CPLANE1: variants seen among roughly 807,000 people sequenced by gnomAD.
CPLANE1 encodes the protein ciliogenesis and planar polarity effector 1.
In CPLANE1, 263 loss-of-function variants were observed where a neutral mutation model predicts 362.5. The observed-to-expected ratio is 0.73, with a 90% CI of 0.66 to 0.80. The LOEUF is 0.80. CPLANE1 is among the 30% of genes least tolerant of loss of function. CPLANE1 has a pLI of 0.00. For missense variants in CPLANE1, 3,461 were observed against 3,793.4 expected (o/e 0.91, Z 2.30); for synonymous variants, 1,212 against 1,302.6 (o/e 0.93, Z 1.50).
At chr5:37,230,551 T>G (rs575150496) in intron 9 of CPLANE1, among the ~76,000 whole-genome samples, 1 of 152,262 alleles carries the variant, frequency 6.6e-6, no homozygotes, top group African/African-American at 2.4e-5. Flanking sequence ...GTTATTAATT[T>G]TCTAAGTGCT....
chr5:37,191,896 T>C (rs888429948), intron 21 of CPLANE1, among the ~76,000 whole-genome samples: 1 of 152,194 alleles, frequency 6.6e-6, no homozygotes, highest in Admixed American at 6.5e-5. Context: ...ATGGTTAATT[T>C]ATTATGGAAG....
chr5:37,104,705 A>C (rs1195207206), downstream of CPLANE1, among the ~76,000 whole-genome samples: 1 of 151,674 alleles, frequency 6.6e-6, no homozygotes, highest in African/African-American at 2.4e-5. Context: ...CAGGAGTTCA[A>C]GGCCAGCCTG....
chr5:37,224,417 G>A, intron 13 of CPLANE1, 84 bp from the exon 14 acceptor site: 2 of 1,283,466 alleles, frequency 1.6e-6, no homozygotes, highest in Non-Finnish European at 2.2e-6. Flanking sequence ...CCAGTTAATG[G>A]AGCTCAGCCA....
At chr5:37,127,515 A>ATTTTT in intron 46 of CPLANE1, among the ~76,000 whole-genome samples, 1 of 133,998 alleles carries the variant, frequency 7.5e-6, no homozygotes, top group South Asian at 2.4e-4. Context: ...TTTTTATTTA[A>ATTTTT]TTTTTTTTTT....
intron 31 of CPLANE1, among the ~76,000 whole-genome samples, chr5:37,175,568 G>C (rs1022163249): frequency 1.3e-5 from 2 of 152,178 alleles, no homozygotes; most frequent in Admixed American, 1.3e-4. Flanking sequence ...TTCTGTGAGA[G>C]AATTAAAAGC....
At chr5:37,146,236 T>C (rs1428253809) in intron 43 of CPLANE1, among the ~76,000 whole-genome samples, 1 of 152,030 alleles carries the variant, frequency 6.6e-6, no homozygotes, top group Non-Finnish European at 1.5e-5. Flanking sequence ...TGGAGTGCAG[T>C]GGCATGATCT....
At chr5:37,154,917 C>T (rs921117470) in intron 41 of CPLANE1, among the ~76,000 whole-genome samples, 3 of 152,158 alleles carry the variant, frequency 2.0e-5, no homozygotes, top group African/African-American at 7.2e-5. Flanking sequence ...CCTTGTTCCG[C>T]AGCTCAGCAA....
intron 26 of CPLANE1, among the ~76,000 whole-genome samples, chr5:37,181,365 A>G (rs1387549261): frequency 1.3e-5 from 2 of 152,254 alleles, no homozygotes; most frequent in African/African-American, 4.8e-5. Flanking sequence ...AAAATGACAT[A>G]GTAGACAAAA....
At chr5:37,111,320 T>G (rs1174718457) in intron 51 of CPLANE1, among the ~76,000 whole-genome samples, 1 of 150,868 alleles carries the variant, frequency 6.6e-6, no homozygotes, top group Non-Finnish European at 1.5e-5. Context: ...GAGACGGGGT[T>G]TCACGGTGTT....
rs761017519 is a variant in CPLANE1, at chr5:37,153,818, C to A, written c.8295G>T (p.Leu2765Phe). ...SAKLQKIDEQ[L>F]LAIQNIAENI... ...TTTCAGCAATGTTCTGTATTGCTAG[C>A]AACTGCTCGTCAATTTTCTGAAGCT... is the stretch of plus-strand genomic sequence containing the variant. The change falls in exon 42 of 53, where the codon TTG (leucine) becomes TTT (phenylalanine). Residue 2765 changes from leucine (L) to phenylalanine (F), a missense_variant. Leu to Phe is a conservative substitution (Grantham distance 22). Around this residue, in one of 2 missense-constraint regions of CPLANE1, gnomAD observed 3,380 missense variants for 3,666.1 expected, o/e 0.92. Coordinates refer to ENST00000651892, the MANE Select transcript of CPLANE1 (RefSeq NM_001384732.1). The A allele has an allele frequency of 6.2e-7, 1 of 1,614,046 alleles. No homozygotes were observed. The highest frequency in any genetic ancestry group is 1.7e-5 in the Admixed American group (1 of 59,994).
intron 46 of CPLANE1, among the ~76,000 whole-genome samples, chr5:37,136,686 G>A (rs1767801113): frequency 6.6e-6 from 1 of 152,220 alleles, no homozygotes; most frequent in African/African-American, 2.4e-5. Flanking sequence ...TACATCCTCT[G>A]AAATCTACTA....
rs929702089 is a variant in CPLANE1, at chr5:37,107,122, C to A, written c.*480G>T. ...AAAAGGTAGTTGGTTTTTCTTTTCA[C>A]TCCTAGGCTAAACCCTGCATAGGTG... On this transcript the variant is annotated 3_prime_UTR_variant, in exon 53 of 53. Coordinates refer to ENST00000651892, the MANE Select transcript of CPLANE1 (RefSeq NM_001384732.1). The A allele has an allele frequency of 1.5e-5, 15 of 985,370 alleles. No homozygotes were observed. Among genetic ancestry groups the A allele is most frequent in the Non-Finnish European group, 1.8e-5 (15 of 829,968 alleles). The allele number at this position is 985,370 out of a possible 1,614,324, so 61.0% of individuals were successfully genotyped here. A position where few individuals can be genotyped will look rare whatever the true frequency, so the allele number is the denominator to read the frequency against.
intron 6 of CPLANE1, among the ~76,000 whole-genome samples, chr5:37,240,242 C>T (rs1326848907): frequency 6.6e-6 from 1 of 151,936 alleles, no homozygotes; most frequent in African/African-American, 2.4e-5. Context: ...CCAAGCTATT[C>T]GGGAGGCTGA....
intron 46 of CPLANE1, among the ~76,000 whole-genome samples, chr5:37,135,215 A>C (rs1003297804): frequency 6.6e-6 from 1 of 152,156 alleles, no homozygotes; most frequent in Non-Finnish European, 1.5e-5. Flanking sequence ...TTTACCCAAA[A>C]GTCATTCAGG....
chr5:37,209,216 A>G lies in CPLANE1; in HGVS notation c.2921-2791T>C. The stretch of plus-strand genomic sequence containing the variant: ...GAGTGCAAGGCAGAGAGCGTTCAGC[A>G]CCCTTGTTCCTCCCGACCCCTCAGG... On this transcript the variant is annotated intron_variant, in intron 16 of 52. Coordinates refer to ENST00000651892, the MANE Select transcript of CPLANE1 (RefSeq NM_001384732.1). This position sits in a 1 kb window ranked among gnomAD's most constrained non-coding sequence, Gnocchi z 4.6. 1.7e-6 allele frequency: 1 copy of G among 576,718 alleles called. No individual in the cohort carries two copies. Among genetic ancestry groups the G allele is most frequent in the Non-Finnish European group, 3.1e-6 (1 of 319,264 alleles). 35.7% of individuals were successfully genotyped at this position (576,718 alleles called of 1,614,324 possible).
chr5:37,210,898 A>G, intron 16 of CPLANE1: 1 of 783,118 alleles, frequency 1.3e-6, no homozygotes, highest in African/African-American at 1.7e-5. Context: ...AAACAACTGC[A>G]AGATGAAATT....
At chr5:37,092,786 C>T in the CPLANE1 span, among the ~76,000 whole-genome samples, 1 of 152,202 alleles carries the variant, frequency 6.6e-6, no homozygotes, top group Non-Finnish European at 1.5e-5. Flanking sequence ...AACAACTATA[C>T]TATAACCTTT....
intron 47 of CPLANE1, among the ~76,000 whole-genome samples, 193 bp from the exon 48 acceptor site, chr5:37,122,681 C>T (rs866883433): frequency 2.0e-5 from 3 of 152,008 alleles, no homozygotes; most frequent in Non-Finnish European, 4.4e-5. Flanking sequence ...AGGGAGGCTG[C>T]GGCGGGCGGA....
intron 28 of CPLANE1, 48 bp downstream of exon 28, chr5:37,179,969 A>G: frequency 1.5e-6 from 2 of 1,321,810 alleles, no homozygotes; most frequent in East Asian, 5.2e-5. Context: ...TTATTTACCA[A>G]TTTCAAATTA....
Sources: allele counts gnomAD v4.1 joint callset (sites outside exome capture counted in the v4.1 genomes callset), GRCh38; gene constraint gnomAD v4.1.1; regional missense constraint gnomAD v4.1.1; non-coding constraint Gnocchi (gnomAD v3.1); transcripts MANE v1.5; gene names NCBI Gene and HGNC (gene_info 2026-07-23, HGNC 2026-07-21).